Variants in DCPS observed in about 807,000 individuals in gnomAD.
The protein encoded by DCPS is m7GpppX diphosphatase.
Under a neutral mutation model 34.7 loss-of-function variants are expected in DCPS, and 27 were observed. That is an observed-to-expected ratio of 0.78 (90% CI 0.57 to 1.07). The LOEUF is 1.07. DCPS is among the 50% of genes least tolerant of loss of function. The pLI is 0.00. For synonymous variants in DCPS, 185 were observed against 185.7 expected, an observed-to-expected ratio of 1.00 and a Z score of 0.03; for missense variants, 464 against 436.9, an observed-to-expected ratio of 1.06 and a Z score of -0.55.
chr11:126,309,962 C>T (rs761128201), intron 2 of DCPS, among the ~76,000 whole-genome samples: 1 of 152,134 alleles, frequency 6.6e-6, no homozygotes, highest in Non-Finnish European at 1.5e-5. Context: ...AAATATCACT[C>T]TTGGTTTGCT....
chr11:126,343,618 C>A (rs532105555), intron 5 of DCPS, among the ~76,000 whole-genome samples: 2 of 152,270 alleles, frequency 1.3e-5, no homozygotes, highest in South Asian at 4.1e-4. Flanking sequence ...TTTCCTCACC[C>A]TCACACGCCT....
intron 2 of DCPS, among the ~76,000 whole-genome samples, chr11:126,316,957 CTTT>C (rs71048779): frequency 4.8e-4 from 45 of 93,192 alleles, no homozygotes; most frequent in East Asian, 3.2e-3. Flanking sequence ...TGCCCGGCCT[CTTT>C]TTTTTTTTTT....
Position 126,304,180 on chromosome 11 carries a change from A to G in DCPS, c.100A>G (p.Asn34Asp). The change falls in exon 1 of 6, where the codon AAT becomes GAT. Residue 34 changes from asparagine to aspartate, a missense_variant. Physicochemically the swap from Asn to Asp is conservative, Grantham distance 23. Transcript: ENST00000263579. ...STEEKEAGVG[N>D]GTCAPVRLPF... ...AGAGGAAAAGGAGGCAGGAGTTGGA[A>G]ATGGTACCTGTGCTCCTGTCCGCTT... is the stretch of plus-strand genomic sequence containing the variant. 1 of 1,614,250 alleles carries G rather than the reference A, an allele frequency of 6.2e-7. No homozygotes were observed.
rs1951697755 is a variant in DCPS, at chr11:126,320,493, A to ACCTGGGTGGC, written c.377-10912_377-10911insCCTGGGTGGC. 2.6e-5 allele frequency among the ~76,000 whole-genome samples: 4 copies of ACCTGGGTGGC among 152,162 alleles called. No individual in the cohort carries two copies. The highest frequency in any genetic ancestry group is 9.7e-5 in the African/African-American group (4 of 41,432). ...AATGATATTAAAGGAATATTCTTAA[A>ACCTGGGTGGC]AAAAAATTAACCCATCAAGACTACA... is the stretch of plus-strand genomic sequence containing the variant. On this transcript the variant is annotated intron_variant, in intron 2 of 5. Transcript: ENST00000263579. This position sits in a 1 kb window ranked among gnomAD's most constrained non-coding sequence, Gnocchi z 4.7.
rs1951974185 is a variant in DCPS, at chr11:126,349,723, G to C, written c.*4110G>C. On this transcript the variant is annotated 3_prime_UTR_variant, in exon 6 of 6. Transcript: ENST00000263579. This position sits in a 1 kb window ranked among gnomAD's most constrained non-coding sequence, Gnocchi z 5.4. ...CAACTCTTCCTTCTCAGGAAGGACT[G>C]TTTTTATTCCAAACATGTATATATA... 6.6e-6 allele frequency among the ~76,000 whole-genome samples: 1 copy of C among 152,122 alleles called. No homozygotes were observed. Among genetic ancestry groups the C allele is most frequent in the Admixed American group, 6.6e-5 (1 of 15,264 alleles).
At chr11:126,306,765 G>T (rs1565370282) in intron 2 of DCPS, 21 bp downstream of exon 2, 26 of 1,583,468 alleles carry the variant, frequency 1.6e-5, no homozygotes, top group Non-Finnish European at 2.2e-5. Context: ...GGTGGCCAGG[G>T]TGGCTGTATG....
At position 126,327,041 on chromosome 11, in the gene DCPS, A is replaced by C. The variant is rs1951746490; in HGVS notation, c.377-4364A>C. ...ATAACGATGGATATAAAAAAGGGTA[A>C]AATTATTAATTTCAGGAGATTTCCC... is the stretch of plus-strand genomic sequence containing the variant. On this transcript the variant is annotated intron_variant, in intron 2 of 5. Transcript: ENST00000263579. The surrounding 1 kb of genome is among the most constrained non-coding windows in gnomAD (Gnocchi z 4.1). 6.6e-6 allele frequency among the ~76,000 whole-genome samples: 1 copy of C among 152,242 alleles called. No homozygotes were observed. The highest frequency in any genetic ancestry group is 2.4e-5 in the African/African-American group (1 of 41,460).
Position 126,333,498 on chromosome 11 carries a change from C to T in DCPS, c.522+1948C>T, listed in dbSNP as rs1370249486. Among the ~76,000 whole-genome samples, 1 of 152,240 alleles carries T rather than the reference C, an allele frequency of 6.6e-6. No individual in the cohort carries two copies. The highest frequency in any genetic ancestry group is 6.5e-5 in the Admixed American group (1 of 15,286). On this transcript the variant is annotated intron_variant, in intron 3 of 5. Transcript: ENST00000263579. This position sits in a 1 kb window ranked among gnomAD's most constrained non-coding sequence, Gnocchi z 5.7. Reference sequence around the variant, plus strand: ...TGATGCAGAGGGACAGTGACCAGCGCAGACAGTTGGGACTTCACAGGGAGA... The same window carrying T: ...TGATGCAGAGGGACAGTGACCAGCGTAGACAGTTGGGACTTCACAGGGAGA...
rs1383830506 is a variant in DCPS at position 126,323,374 on chromosome 11, C to T, written c.377-8031C>T. On this transcript the variant is annotated intron_variant, in intron 2 of 5. Transcript: ENST00000263579. This position sits in a 1 kb window ranked among gnomAD's most constrained non-coding sequence, Gnocchi z 4.4. ...GCGGTAGAAAGTTCAGCTTTAGAAA[C>T]ATTGTGTTTATTTCCATTGTAATAT... Among the ~76,000 whole-genome samples, 3 of 152,090 alleles carry T rather than the reference C, an allele frequency of 2.0e-5. No homozygotes were observed. The highest frequency in any genetic ancestry group is 7.2e-5 in the African/African-American group (3 of 41,406).
rs1386591790 is a variant in DCPS at position 126,325,310 on chromosome 11, T to C, written c.377-6095T>C. Among the ~76,000 whole-genome samples the C allele has an allele frequency of 6.6e-6, 1 of 152,236 alleles. No homozygotes were observed. The highest frequency in any genetic ancestry group is 2.4e-5 in the African/African-American group (1 of 41,468). On this transcript the variant is annotated intron_variant, in intron 2 of 5. Coordinates refer to ENST00000263579, the MANE Select transcript of DCPS (RefSeq NM_014026.6). The surrounding 1 kb of genome is among the most constrained non-coding windows in gnomAD (Gnocchi z 4.3). Reference sequence around the variant, plus strand: ...GTGAACAGCATTTACATCATCATCATAGCATCAGTGTTGAATACTGATTTA... The same window carrying C: ...GTGAACAGCATTTACATCATCATCACAGCATCAGTGTTGAATACTGATTTA...
At chr11:126,310,222 G>A (rs1951609417) in intron 2 of DCPS, among the ~76,000 whole-genome samples, 2 of 151,986 alleles carry the variant, frequency 1.3e-5, no homozygotes. Context: ...GTATGCCGGC[G>A]ACGCCCACCT....
At chr11:126,314,565 G>A (rs1234727652) in intron 2 of DCPS, among the ~76,000 whole-genome samples, 10 of 152,038 alleles carry the variant, frequency 6.6e-5, no homozygotes, top group Admixed American at 6.5e-5. Context: ...CACAACTTGC[G>A]ATTGCAAAAA....
chr11:126,342,801 T>C lies in DCPS; in HGVS notation c.637-506T>C, dbSNP rs1178884841. 6.6e-6 allele frequency among the ~76,000 whole-genome samples: 1 copy of C among 152,142 alleles called. No individual in the cohort carries two copies. The highest frequency in any genetic ancestry group is 1.5e-5 in the Non-Finnish European group (1 of 68,006). On this transcript the variant is annotated intron_variant, in intron 4 of 5. Coordinates refer to ENST00000263579, the MANE Select transcript of DCPS (RefSeq NM_014026.6). This position sits in a 1 kb window ranked among gnomAD's most constrained non-coding sequence, Gnocchi z 4.4. Reference sequence around the variant, plus strand: ...GGAGTGAGCATATAGAACTCTCTGCTGGGCGCGGTGGCTCACGCCTGTAAT... The same window carrying C: ...GGAGTGAGCATATAGAACTCTCTGCCGGGCGCGGTGGCTCACGCCTGTAAT...
In DCPS at chr11:126,306,567, C is replaced by T. The variant is rs377290056; in HGVS notation, c.202-3C>T. On this transcript the variant is annotated splice_polypyrimidine_tract_variant and splice_region_variant and intron_variant, in intron 1 of 5. Coordinates refer to ENST00000263579, the MANE Select transcript of DCPS (RefSeq NM_014026.6). Reference sequence around the variant, plus strand: ...AGCCCACTGATGATGCCTCTGCCCACAGGTGAATGAGGCCTCTGGGGATGG... The same window carrying T: ...AGCCCACTGATGATGCCTCTGCCCATAGGTGAATGAGGCCTCTGGGGATGG... 15 of 1,601,190 alleles carry T rather than the reference C, an allele frequency of 9.4e-6. No individual in the cohort carries two copies. Among genetic ancestry groups the T allele is most frequent in the African/African-American group, 1.3e-5 (1 of 74,688 alleles).
chr11:126,306,961 GATCAAGA>G (rs1222899163), intron 2 of DCPS, among the ~76,000 whole-genome samples: 1 of 152,074 alleles, frequency 6.6e-6, no homozygotes, highest in Non-Finnish European at 1.5e-5. Context: ...AGTGGGTGGA[GATCAAGA>G]ATGCTGCTAA....
rs1951689487 is a variant in DCPS, at chr11:126,319,678, T to G, written c.377-11727T>G. 6.6e-6 allele frequency among the ~76,000 whole-genome samples: 1 copy of G among 152,214 alleles called. No homozygotes were observed. The highest frequency in any genetic ancestry group is 1.5e-5 in the Non-Finnish European group (1 of 68,030). On this transcript the variant is annotated intron_variant, in intron 2 of 5. Coordinates refer to ENST00000263579, the MANE Select transcript of DCPS (RefSeq NM_014026.6). The surrounding 1 kb of genome is among the most constrained non-coding windows in gnomAD (Gnocchi z 4.5). ...CTGTTTACGTGTCTCTAGGAAGAAT[T>G]GGAACTAGTCATGTTTCTCCTATCT...
chr11:126,314,346 T>G (rs1951642062), intron 2 of DCPS, among the ~76,000 whole-genome samples: 1 of 152,198 alleles, frequency 6.6e-6, no homozygotes. Flanking sequence ...AGTCTAGATG[T>G]TGGTGTGGAT....
At position 126,332,716 on chromosome 11, in the gene DCPS, C is replaced by T. The variant is rs1951802649; in HGVS notation, c.522+1166C>T. ...TTCCCCAGCCTGGTTCAGCCCTGGT[C>T]TCCCTGGGCAGCAGTTTGCGTGGGG... On this transcript the variant is annotated intron_variant, in intron 3 of 5. Transcript: ENST00000263579. This position sits in a 1 kb window ranked among gnomAD's most constrained non-coding sequence, Gnocchi z 5.4. Among the ~76,000 whole-genome samples the T allele has an allele frequency of 1.3e-5, 2 of 152,242 alleles. No homozygotes were observed. Among genetic ancestry groups the T allele is most frequent in the South Asian group, 4.1e-4 (2 of 4,834 alleles).
chr11:126,348,025 C>T lies in DCPS; in HGVS notation c.*2412C>T, dbSNP rs567162531. 3.3e-5 allele frequency among the ~76,000 whole-genome samples: 5 copies of T among 152,138 alleles called. No individual in the cohort carries two copies. The highest frequency in any genetic ancestry group is 1.3e-4 in the Admixed American group (2 of 15,258). On this transcript the variant is annotated 3_prime_UTR_variant, in exon 6 of 6. Coordinates refer to ENST00000263579, the MANE Select transcript of DCPS (RefSeq NM_014026.6). The surrounding 1 kb of genome is among the most constrained non-coding windows in gnomAD (Gnocchi z 5.3). Reference sequence around the variant, plus strand: ...ACGGGCTCCCGCTGACCTTGCCGTTCCTTCCCCTCATCTCGTAGCGCCTGG... The same window carrying T: ...ACGGGCTCCCGCTGACCTTGCCGTTTCTTCCCCTCATCTCGTAGCGCCTGG...
Sources: allele counts gnomAD v4.1 joint callset (sites outside exome capture counted in the v4.1 genomes callset), GRCh38; gene constraint gnomAD v4.1.1; non-coding constraint Gnocchi (gnomAD v3.1); transcripts MANE v1.5; gene names NCBI Gene and HGNC (gene_info 2026-07-23, HGNC 2026-07-21).